KCNN2: variants seen among roughly 807,000 people sequenced by gnomAD.
KCNN2 encodes the protein small conductance calcium-activated potassium channel protein 2.
Under a neutral mutation model 55.5 loss-of-function variants are expected in KCNN2, and 24 were observed. That is an observed-to-expected ratio of 0.43 (90% confidence interval 0.31 to 0.61). The LOEUF (loss-of-function observed/expected upper bound fraction) is 0.61. KCNN2 is among the 20% of genes least tolerant of loss of function. The pLI is 0.08. For synonymous variants in KCNN2, 431 were observed against 336.1 expected, an observed-to-expected ratio of 1.28 and a Z score of -3.09; for missense variants, 754 against 853.6, an observed-to-expected ratio of 0.88 and a Z score of 1.45.
intron 1 of KCNN2, among the ~76,000 whole-genome samples, chr5:114,160,184 A>G (rs1485665607): frequency 1.3e-5 from 2 of 152,172 alleles, no homozygotes; most frequent in Non-Finnish European, 2.9e-5. Context: ...AATGTGTCCC[A>G]GAGATTCTGG....
At chr5:114,174,870 T>C (rs1309247156) in intron 1 of KCNN2, among the ~76,000 whole-genome samples, 1 of 152,118 alleles carries the variant, frequency 6.6e-6, no homozygotes. Context: ...AGGCAGGAAA[T>C]AGGAAATTAT....
intron 2 of KCNN2, among the ~76,000 whole-genome samples, chr5:114,378,146 CT>C (rs1757997816): frequency 6.6e-6 from 1 of 152,134 alleles, no homozygotes; most frequent in Non-Finnish European, 1.5e-5. Flanking sequence ...AGTCCGCCCC[CT>C]GAACAAATCT....
At chr5:114,257,372 T>G (rs1450478654) in intron 2 of KCNN2, among the ~76,000 whole-genome samples, 2 of 151,000 alleles carry the variant, frequency 1.3e-5, no homozygotes, top group African/African-American at 2.4e-5. Context: ...ATTTTAGGAT[T>G]TTTTTTTTAT....
At chr5:114,239,994 T>A (rs903982367) in intron 2 of KCNN2, among the ~76,000 whole-genome samples, 4 of 152,110 alleles carry the variant, frequency 2.6e-5, no homozygotes, top group Non-Finnish European at 5.9e-5. Flanking sequence ...ATCCAAGGAA[T>A]AGAAAAAATT....
chr5:114,270,892 C>T (rs959858981), intron 2 of KCNN2, among the ~76,000 whole-genome samples: 3 of 152,122 alleles, frequency 2.0e-5, no homozygotes, highest in East Asian at 1.9e-4. Context: ...CGGGTGGGTT[C>T]GTGGTCTCAC....
chr5:114,082,593 C>T (rs1031897434), intron 1 of KCNN2, among the ~76,000 whole-genome samples: 3 of 152,064 alleles, frequency 2.0e-5, no homozygotes, highest in Admixed American at 6.6e-5. Flanking sequence ...TCTGGATATA[C>T]GTCCAAAAGA....
chr5:114,172,208 ACTTGTT>A (rs1753048464), intron 1 of KCNN2, among the ~76,000 whole-genome samples: 1 of 151,988 alleles, frequency 6.6e-6, no homozygotes, highest in African/African-American at 2.4e-5. Context: ...TACCAGCACC[ACTTGTT>A]AATTCAACAA....
chr5:114,379,025 T>G (rs936136515), intron 2 of KCNN2, among the ~76,000 whole-genome samples: 1 of 152,160 alleles, frequency 6.6e-6, no homozygotes, highest in Non-Finnish European at 1.5e-5. Context: ...GCAAATAATC[T>G]TCTCCATTCT....
chr5:114,229,384 C>T (rs191634274), intron 2 of KCNN2, among the ~76,000 whole-genome samples: 1 of 151,514 alleles, frequency 6.6e-6, no homozygotes, highest in Non-Finnish European at 1.5e-5. Flanking sequence ...TCTCCCCTGG[C>T]CTGGTTATTT....
chr5:114,324,435 T>C (rs1312024960), intron 2 of KCNN2, among the ~76,000 whole-genome samples: 3 of 152,078 alleles, frequency 2.0e-5, no homozygotes, highest in Non-Finnish European at 4.4e-5. Context: ...GATGTGACTA[T>C]GGAAGAAGGG....
chr5:114,214,641 T>A (rs1349464087), intron 1 of KCNN2, among the ~76,000 whole-genome samples: 2 of 152,208 alleles, frequency 1.3e-5, no homozygotes, highest in East Asian at 3.9e-4. Context: ...TTTCCTGTGT[T>A]CATTGCTGTG....
chr5:114,457,320 T>A (rs1760975315), intron 3 of KCNN2, among the ~76,000 whole-genome samples: 1 of 152,160 alleles, frequency 6.6e-6, no homozygotes, highest in Admixed American at 6.5e-5. Flanking sequence ...ACAGCACTCT[T>A]CAATTAAGGT....
At chr5:114,118,890 A>C (rs1024998770) in intron 1 of KCNN2, among the ~76,000 whole-genome samples, 2 of 152,082 alleles carry the variant, frequency 1.3e-5, no homozygotes, top group Admixed American at 6.6e-5. Flanking sequence ...TTCGGAGACA[A>C]GATGGAGGCA....
intron 2 of KCNN2, among the ~76,000 whole-genome samples, chr5:114,382,363 A>G (rs746785818): frequency 6.6e-6 from 1 of 152,198 alleles, no homozygotes; most frequent in African/African-American, 2.4e-5. Flanking sequence ...GGTTTACTAA[A>G]TAAAGTAAAT....
chr5:114,238,935 G>A (rs1754564524), intron 2 of KCNN2, among the ~76,000 whole-genome samples: 1 of 152,128 alleles, frequency 6.6e-6, no homozygotes, highest in Non-Finnish European at 1.5e-5. Flanking sequence ...TGATGATAAT[G>A]TCTTTATCAT....
chr5:114,405,434 T>G (rs998680684), intron 3 of KCNN2, among the ~76,000 whole-genome samples: 2 of 152,224 alleles, frequency 1.3e-5, no homozygotes, highest in Non-Finnish European at 2.9e-5. Flanking sequence ...AGCGCTCTGG[T>G]GGTCTAGACC....
chr5:114,291,357 A>T (rs2150017725), intron 2 of KCNN2, among the ~76,000 whole-genome samples: 1 of 151,930 alleles, frequency 6.6e-6, no homozygotes, highest in East Asian at 1.9e-4. Flanking sequence ...ACCCCACAAC[A>T]GTCCCTGGAG....
intron 4 of KCNN2, among the ~76,000 whole-genome samples, chr5:114,465,628 AGAG>A (rs1194686716): frequency 7.3e-5 from 11 of 149,970 alleles, no homozygotes; most frequent in Middle Eastern, 3.4e-3. Flanking sequence ...AAAAAAAAAA[AGAG>A]AGAGGTTATA....
chr5:114,280,812 G>T (rs1025543300), intron 2 of KCNN2, among the ~76,000 whole-genome samples: 2 of 152,136 alleles, frequency 1.3e-5, no homozygotes, highest in South Asian at 4.1e-4. Context: ...CTTTCCAGGG[G>T]GTTATAATCA....
Sources: gnomAD v4.1 joint callset for allele counts (sites outside exome capture counted in the v4.1 genomes callset) on GRCh38, gnomAD v4.1.1 for gene constraint, MANE v1.5 for transcripts, NCBI Gene and HGNC (gene_info 2026-07-23, HGNC 2026-07-21) for gene names.